Variants in PRUNE2 observed in about 807,000 individuals in gnomAD.
PRUNE2 encodes protein prune homolog 2.
PRUNE2 carries 164 observed loss-of-function variants against 252.0 expected under a neutral mutation model. The observed-to-expected ratio is 0.65, with a 90% CI of 0.57 to 0.74. The LOEUF (loss-of-function observed/expected upper bound fraction) is 0.74, where lower values mean the gene tolerates loss of function less well. Among genes scored for constraint, PRUNE2 ranks in the 30% least tolerant of loss-of-function variants. PRUNE2 has a pLI of 0.00. For synonymous variants in PRUNE2, 1,292 were observed against 1,350.2 expected, an observed-to-expected ratio of 0.96 and a Z score of 0.94; for missense variants, 3,495 against 3,711.0, an observed-to-expected ratio of 0.94 and a Z score of 1.51.
At chr9:76,838,537 T>A (rs1421518576) in intron 4 of PRUNE2, among the ~76,000 whole-genome samples, 1 of 149,722 alleles carries the variant, frequency 6.7e-6, no homozygotes, top group Admixed American at 6.7e-5. Context: ...CCCAGCCACT[T>A]GGGAGGCTGA....
chr9:76,629,201 C>A lies in PRUNE2; in HGVS notation c.9140G>T (p.Ser3047Ile). ...IPMDCIHIPE[S>I]IIKLDEELRE... ...AACTGTCAGGACTTACTTGATGATG[C>A]TCTCTGGAATGTGGATGCAATCCAT... is the stretch of plus-strand genomic sequence containing the variant. Residue 3047 changes from serine (S) to isoleucine (I), a missense_variant, in exon 16 of 19, where the codon AGC becomes ATC. Transcript: ENST00000376718. 8 of 1,595,054 alleles carry A rather than the reference C, an allele frequency of 5.0e-6. No individual in the cohort carries two copies. Among genetic ancestry groups the A allele is most frequent in the Admixed American group, 1.7e-5 (1 of 59,146 alleles).
Position 76,663,254 on chromosome 9 carries a change from G to A in PRUNE2, c.8277-7752C>T, listed in dbSNP as rs959439953. Among the ~76,000 whole-genome samples, 8 of 152,338 alleles carry A rather than the reference G, an allele frequency of 5.3e-5. No individual in the cohort carries two copies. The South Asian group carries it at 1.7e-3, about 32-fold the overall frequency. ...TCTTTAGCAACAGTTCGCTAACCCA[G>A]CTGGGCCTCTCTCATCCTAGAACAG... is the stretch of plus-strand genomic sequence containing the variant. On this transcript the variant is annotated intron_variant, in intron 9 of 18. Transcript: ENST00000376718.
At chr9:76,904,785 G>T (rs1481201423) in intron 1 of PRUNE2, among the ~76,000 whole-genome samples, 1 of 152,138 alleles carries the variant, frequency 6.6e-6, no homozygotes, top group Non-Finnish European at 1.5e-5. Flanking sequence ...TCTTTTACAA[G>T]ATAGTTACAG....
At chr9:76,813,968 C>T (rs1237610250) in intron 6 of PRUNE2, among the ~76,000 whole-genome samples, 1 of 152,148 alleles carries the variant, frequency 6.6e-6, no homozygotes, top group East Asian at 1.9e-4. Context: ...AGGCACCCAC[C>T]ACCACACCTG....
rs372675157 is a variant in PRUNE2 at position 76,705,960 on chromosome 9, G to A, written c.6314C>T (p.Pro2105Leu). ...TGCTTCAGAATCGTGACATATATCA[G>A]GGCTGTCGGAAGCCTGAGAATTGCT... is the stretch of plus-strand genomic sequence containing the variant. Reference protein sequence around the residue: ...HDSNSQASDSPDICHDSEAKQ... With the variant: ...HDSNSQASDSLDICHDSEAKQ... The change falls in exon 8 of 19, where the codon CCT (proline) becomes CTT (leucine). Residue 2105 changes from proline (P) to leucine (L), a missense_variant. By Grantham distance (98) the Pro-to-Leu change is moderately conservative. Transcript: ENST00000376718. 9.2e-5 allele frequency: 148 copies of A among 1,613,844 alleles called. No individual in the cohort carries two copies. The highest frequency in any genetic ancestry group is 1.2e-4 in the Non-Finnish European group (141 of 1,179,884).
At position 76,636,536 on chromosome 9, in the gene PRUNE2, T is replaced by A. The variant is rs1840134285; in HGVS notation, c.8985A>T (p.Ser2995=). The change falls in exon 15 of 19, where the codon TCA becomes TCT. Residue 2995 remains serine (S), a synonymous_variant. Transcript: ENST00000376718. ...IDRRLRKNLK[S]FIIVHPSWFI... is the part of the protein sequence containing the mutation. ...ACCAAGATGGATGAACAATGATGAA[T>A]GATTTCAAATTCTTCCTCAACCTAT... 6.4e-7 allele frequency: 1 copy of A among 1,552,458 alleles called. No homozygotes were observed. Among genetic ancestry groups the A allele is most frequent in the Non-Finnish European group, 8.7e-7 (1 of 1,144,478 alleles).
chr9:76,884,287 G>GT (rs1564503344), intron 1 of PRUNE2, among the ~76,000 whole-genome samples: 1 of 152,088 alleles, frequency 6.6e-6, no homozygotes, highest in Non-Finnish European at 1.5e-5. Context: ...GTGGGGGCTC[G>GT]TTTAATCTAA....
In PRUNE2 at chr9:76,703,487, G is replaced by A. The variant is rs749637669; in HGVS notation, c.8126C>T (p.Pro2709Leu). 26 of 1,613,394 alleles carry A rather than the reference G, an allele frequency of 1.6e-5. No homozygotes were observed. In the African/African-American group the frequency reaches 2.1e-4, roughly 13 times the overall value. ...GACAGCCTGCAACGTAACTGCATCC[G>A]GGCCAGCCCTGCCTCGGCTCTTACT... ...QKSKSRGRAG[P>L]DAVTLQAVTH... Residue 2709 changes from proline to leucine, a missense_variant, in exon 9 of 19, where the codon CCG becomes CTG. Transcript: ENST00000376718.
At chr9:76,682,614 C>A (rs1344704666) in intron 9 of PRUNE2, among the ~76,000 whole-genome samples, 3 of 152,134 alleles carry the variant, frequency 2.0e-5, no homozygotes, top group Non-Finnish European at 2.9e-5. Flanking sequence ...GGTGATCTGC[C>A]TGCTTTAGCC....
At position 76,731,999 on chromosome 9, in the gene PRUNE2, G is replaced by A. The variant is rs148535536; in HGVS notation, c.757-18278C>T. Among the ~76,000 whole-genome samples the A allele has an allele frequency of 4.8e-3, 732 of 152,208 alleles. 4 individuals are homozygous for A. In the Middle Eastern group the frequency reaches 0.054, roughly 11 times the overall value. On this transcript the variant is annotated intron_variant, in intron 6 of 18. Transcript: ENST00000376718. Reference sequence around the variant, plus strand: ...AGCATCAGGTCCTCTAAGGGACCCTGATACGTGCATTTATGTCATAGAAAA... The same window carrying A: ...AGCATCAGGTCCTCTAAGGGACCCTAATACGTGCATTTATGTCATAGAAAA...
At chr9:76,773,438 C>CTTTTTTT (rs35078779) in intron 6 of PRUNE2, among the ~76,000 whole-genome samples, 1 of 107,600 alleles carries the variant, frequency 9.3e-6, no homozygotes, top group Non-Finnish European at 1.8e-5. Context: ...ACTAGTACAT[C>CTTTTTTT]TTTTTTTTTT....
chr9:76,711,083 G>A lies in PRUNE2; in HGVS notation c.1191C>T (p.Pro397=), dbSNP rs1193662297. Residue 397 remains proline (P), a synonymous_variant, in exon 8 of 19, where the codon CCC becomes CCT. Transcript: ENST00000376718. Reference sequence around the variant, plus strand: ...GGTTCTCTATGAAATTCACAGAGCTGGGTTGTGGCTCTATGTCAGAACCAT... The same window carrying A: ...GGTTCTCTATGAAATTCACAGAGCTAGGTTGTGGCTCTATGTCAGAACCAT... ...ELYGSDIEPQ[P]SSVNFIENPP... is the part of the protein sequence containing the mutation. 3.1e-6 allele frequency: 5 copies of A among 1,614,004 alleles called. No homozygotes were observed. Among genetic ancestry groups the A allele is most frequent in the Non-Finnish European group, 4.2e-6 (5 of 1,179,880 alleles).
intron 1 of PRUNE2, among the ~76,000 whole-genome samples, chr9:76,889,240 T>G (rs1421275501): frequency 1.3e-5 from 2 of 152,154 alleles, no homozygotes; most frequent in Non-Finnish European, 2.9e-5. Context: ...ATAAGGGATA[T>G]GAAGAAATTT....
At chr9:76,696,024 C>T (rs1447539624) in intron 9 of PRUNE2, among the ~76,000 whole-genome samples, 1 of 152,130 alleles carries the variant, frequency 6.6e-6, no homozygotes, top group Non-Finnish European at 1.5e-5. Context: ...CACTCCTGTG[C>T]ACTGTAGGAT....
chr9:76,704,816 T>A lies in PRUNE2; in HGVS notation c.7458A>T (p.Glu2486Asp). ...NILSPSNVDW[E>D]VETDNSDLPA... Reference sequence around the variant, plus strand: ...GTAAATCAGAATTATCTGTTTCTACTTCCCAGTCAACGTTTGATGGAGACA... The same window carrying A: ...GTAAATCAGAATTATCTGTTTCTACATCCCAGTCAACGTTTGATGGAGACA... Residue 2486 changes from glutamate (E) to aspartate (D), a missense_variant, in exon 8 of 19, where the codon GAA (glutamate) becomes GAT (aspartate). Transcript: ENST00000376718. 1.3e-6 allele frequency: 2 copies of A among 1,586,892 alleles called. No homozygotes were observed. The highest frequency in any genetic ancestry group is 2.3e-5 in the East Asian group (1 of 44,020).
chr9:76,730,896 C>T lies in PRUNE2; in HGVS notation c.757-17175G>A, dbSNP rs575352534. On this transcript the variant is annotated intron_variant, in intron 6 of 18. Transcript: ENST00000376718. ...CCAGCCTGGCGACAGAGCTAGACTC[C>T]GTCTCAAAAAAATAAAGAGACGAAA... Among the ~76,000 whole-genome samples the T allele has an allele frequency of 5.3e-5, 8 of 152,118 alleles. No homozygotes were observed. In the East Asian group the frequency reaches 5.8e-4, roughly 11 times the overall value.
chr9:76,857,132 TG>T (rs1374457600), intron 1 of PRUNE2: 1 of 455,906 alleles, frequency 2.2e-6, no homozygotes, highest in Non-Finnish European at 4.4e-6. Flanking sequence ...TTCATGGTCA[TG>T]GCCTCTTCCA....
chr9:76,808,968 CT>C (rs1342303739), intron 6 of PRUNE2: 1 of 152,290 alleles, frequency 6.6e-6, no homozygotes, highest in African/African-American at 2.4e-5. Context: ...CTGCTTTTAA[CT>C]CAACATCAAT....
chr9:76,887,170 C>A (rs966590700), intron 1 of PRUNE2, among the ~76,000 whole-genome samples: 19 of 152,106 alleles, frequency 1.2e-4, no homozygotes, highest in Non-Finnish European at 2.9e-5. Flanking sequence ...TAAAGGAATT[C>A]ACCTAGCTTC....
Sources: gnomAD v4.1 joint callset for allele counts (sites outside exome capture counted in the v4.1 genomes callset) on GRCh38, gnomAD v4.1.1 for gene constraint, MANE v1.5 for transcripts, NCBI Gene and HGNC (gene_info 2026-07-23, HGNC 2026-07-21) for gene names.